Variants in FAT3 observed in about 807,000 individuals in gnomAD.
The protein encoded by FAT3 is protocadherin Fat 3.
A neutral mutation model predicts 310.2 loss-of-function variants in FAT3; 95 were observed. The observed-to-expected ratio is 0.31, with a 90% CI of 0.26 to 0.36. FAT3 has a LOEUF of 0.36. Ranked by LOEUF, FAT3 falls within the 10% of genes least tolerant of loss-of-function variation. FAT3 has a pLI of 1.00. For synonymous variants in FAT3, 2,314 were observed against 2,192.9 expected (o/e 1.06, Z -1.54); for missense variants, 5,408 against 5,715.6 (o/e 0.95, Z 1.74).
chr11:92,870,506 T>C (rs1434082519), intron 22 of FAT3, among the ~76,000 whole-genome samples: 2 of 151,988 alleles, frequency 1.3e-5, no homozygotes, highest in Admixed American at 1.3e-4. Flanking sequence ...GAACTGGAAA[T>C]AGCAACCACT....
At chr11:92,632,155 C>T (rs559106673) in intron 3 of FAT3, among the ~76,000 whole-genome samples, 1 of 152,182 alleles carries the variant, frequency 6.6e-6, no homozygotes, top group African/African-American at 2.4e-5. Context: ...CACAGAACAT[C>T]TGTGAAGACT....
chr11:92,502,760 T>C (rs767628188), intron 2 of FAT3, among the ~76,000 whole-genome samples: 2 of 152,088 alleles, frequency 1.3e-5, no homozygotes, highest in Non-Finnish European at 2.9e-5. Flanking sequence ...ACCAAAAGGA[T>C]GCTAACCATT....
chr11:92,413,735 T>A (rs1383060732), intron 2 of FAT3, among the ~76,000 whole-genome samples: 1 of 152,224 alleles, frequency 6.6e-6, no homozygotes, highest in Non-Finnish European at 1.5e-5. Context: ...CAGCACAAAG[T>A]TGAAAATTTA....
intron 1 of FAT3, among the ~76,000 whole-genome samples, chr11:92,339,874 G>T (rs918368078): frequency 1.3e-5 from 2 of 152,110 alleles, no homozygotes; most frequent in Non-Finnish European, 2.9e-5. Context: ...AGCACTTTGG[G>T]AGGCCAAGAT....
chr11:92,522,789 A>G (rs1414704962), intron 2 of FAT3, among the ~76,000 whole-genome samples: 1 of 152,122 alleles, frequency 6.6e-6, no homozygotes, highest in Non-Finnish European at 1.5e-5. Flanking sequence ...CCTCATTTTA[A>G]TGCTAAAATC....
chr11:92,803,152 C>G (rs1947409738), intron 10 of FAT3, among the ~76,000 whole-genome samples: 2 of 151,956 alleles, frequency 1.3e-5, no homozygotes. Context: ...CTTAGGCATT[C>G]TGAAGGGTCC....
chr11:92,858,390 G>A (rs930379914), intron 20 of FAT3, among the ~76,000 whole-genome samples: 3 of 152,190 alleles, frequency 2.0e-5, no homozygotes, highest in African/African-American at 7.2e-5. Flanking sequence ...AAGTTCTGGA[G>A]TCACTTCCTG....
intron 2 of FAT3, among the ~76,000 whole-genome samples, chr11:92,373,602 T>C (rs1230711787): frequency 6.6e-6 from 1 of 152,140 alleles, no homozygotes. Flanking sequence ...TATTATGCAA[T>C]ATATAGTATA....
At chr11:92,566,912 T>G (rs1431983746) in intron 3 of FAT3, among the ~76,000 whole-genome samples, 2 of 152,096 alleles carry the variant, frequency 1.3e-5, no homozygotes. Flanking sequence ...ACTTAAACGT[T>G]AGACCTAAAA....
At chr11:92,429,370 C>A (rs1210763373) in intron 2 of FAT3, among the ~76,000 whole-genome samples, 1 of 152,098 alleles carries the variant, frequency 6.6e-6, no homozygotes, top group Non-Finnish European at 1.5e-5. Flanking sequence ...AGGAATTTAG[C>A]CCATTTACAT....
chr11:92,815,582 C>A (rs1350623435), intron 13 of FAT3, among the ~76,000 whole-genome samples: 1 of 151,384 alleles, frequency 6.6e-6, no homozygotes, highest in Admixed American at 6.6e-5. Flanking sequence ...CAAAAAAAAA[C>A]CAAGTAAATA....
At chr11:92,331,188 T>A (rs913155134) in intron 1 of FAT3, among the ~76,000 whole-genome samples, 4 of 152,116 alleles carry the variant, frequency 2.6e-5, no homozygotes, top group African/African-American at 9.7e-5. Flanking sequence ...AGATCAAGAG[T>A]AATTTAACAT....
At chr11:92,266,355 CAGGACCAAAA>C in intron 1 of FAT3, among the ~76,000 whole-genome samples, 1 of 152,224 alleles carries the variant, frequency 6.6e-6, no homozygotes, top group South Asian at 2.1e-4. Flanking sequence ...GAAGTGTCTT[CAGGACCAAAA>C]TGCTATTTAT....
intron 3 of FAT3, among the ~76,000 whole-genome samples, chr11:92,666,383 G>T (rs1200812715): frequency 7.0e-6 from 1 of 142,372 alleles, no homozygotes; most frequent in Non-Finnish European, 1.5e-5. Context: ...ACGGAATCTC[G>T]CTCTGTTGCC....
intron 3 of FAT3, among the ~76,000 whole-genome samples, chr11:92,651,864 G>A (rs750457308): frequency 7.2e-5 from 11 of 152,154 alleles, no homozygotes; most frequent in Admixed American, 1.3e-4. Flanking sequence ...AGTGTTTGAC[G>A]TTGTGTCTAA....
At position 92,761,989 on chromosome 11, in the gene FAT3, G is replaced by A. The variant is rs763935026; in HGVS notation, c.3803G>A (p.Arg1268Gln). The change falls in exon 5 of 28, where the codon CGA (arginine) becomes CAA (glutamine). Residue 1268 changes from arginine (R) to glutamine (Q), a missense_variant. Arg to Gln is a conservative substitution (Grantham distance 43). Coordinates refer to ENST00000525166, the MANE Select transcript of FAT3 (RefSeq NM_001367949.2). ...CAGATCAAGCTGCCAGAACGTGACC[G>A]AAAGAAGAGAGGAGAACCGATTTAC... ...VYQIKLPERDRKKRGEPIYRA... is the reference protein window; with the variant it reads ...VYQIKLPERDQKKRGEPIYRA... The A allele has an allele frequency of 2.7e-5, 44 of 1,613,870 alleles. No individual in the cohort carries two copies. The highest frequency in any genetic ancestry group is 4.0e-5 in the African/African-American group (3 of 74,918).
intron 3 of FAT3, among the ~76,000 whole-genome samples, chr11:92,598,338 G>A (rs1344658139): frequency 2.7e-5 from 4 of 150,720 alleles, no homozygotes; most frequent in Non-Finnish European, 5.9e-5. Flanking sequence ...CAATCTTCCT[G>A]CCTCAGTCTC....
At chr11:92,620,562 T>C (rs188567840) in intron 3 of FAT3, among the ~76,000 whole-genome samples, 56 of 152,332 alleles carry the variant, frequency 3.7e-4, no homozygotes, top group African/African-American at 1.3e-3. Context: ...TTTAACCAAA[T>C]TTCAGTCAAA....
intron 7 of FAT3, among the ~76,000 whole-genome samples, chr11:92,787,207 G>A (rs1396846887): frequency 6.6e-6 from 1 of 152,022 alleles, no homozygotes; most frequent in African/African-American, 2.4e-5. Context: ...AAACAGCATG[G>A]CAGGGAAGAG....
Sources: allele counts gnomAD v4.1 joint callset (sites outside exome capture counted in the v4.1 genomes callset), GRCh38; gene constraint gnomAD v4.1.1; transcripts MANE v1.5; gene names NCBI Gene and HGNC (gene_info 2026-07-23, HGNC 2026-07-21).